RAD51B: variants seen among roughly 807,000 people sequenced by gnomAD.
The protein encoded by RAD51B is DNA repair protein RAD51 homolog 2.
A neutral mutation model predicts 42.2 loss-of-function variants in RAD51B; 38 were observed. The observed-to-expected ratio is 0.90, with a 90% CI of 0.70 to 1.18. The LOEUF (loss-of-function observed/expected upper bound fraction) is 1.18. RAD51B is among the 50% of genes most tolerant of loss of function. RAD51B has a pLI of 0.00. For synonymous variants in RAD51B, 154 were observed against 145.2 expected (o/e 1.06, Z -0.43); for missense variants, 373 against 400.7 (o/e 0.93, Z 0.59).
intron 10 of RAD51B, chr14:68,545,543 T>C (rs1469410627): frequency 2.2e-6 from 1 of 455,978 alleles, no homozygotes; most frequent in Non-Finnish European, 4.4e-6. Context: ...TTATTATGAG[T>C]ACCTGGGGCA....
chr14:68,672,847 C>A (rs1000366732), intron 11 of RAD51B, among the ~76,000 whole-genome samples: 5 of 152,206 alleles, frequency 3.3e-5, no homozygotes, highest in African/African-American at 1.2e-4. Context: ...CAGGCATTAC[C>A]TTTCTCTTGC....
chr14:68,218,382 C>T (rs552301294), intron 7 of RAD51B, among the ~76,000 whole-genome samples: 1 of 152,312 alleles, frequency 6.6e-6, no homozygotes, highest in African/African-American at 2.4e-5. Flanking sequence ...CAGATGCCTA[C>T]TTTTTGTAAA....
intron 8 of RAD51B, among the ~76,000 whole-genome samples, chr14:68,405,918 C>G (rs2084260913): frequency 6.6e-6 from 1 of 151,252 alleles, no homozygotes; most frequent in Non-Finnish European, 1.5e-5. Flanking sequence ...AACTTTAGAG[C>G]TTAGCCTCCC....
chr14:68,004,827 C>T (rs1253607899), intron 7 of RAD51B, among the ~76,000 whole-genome samples: 4 of 151,842 alleles, frequency 2.6e-5, no homozygotes, highest in Admixed American at 2.0e-4. Context: ...GGGTTTGGTT[C>T]GTTTTTGAAC....
At chr14:68,263,232 G>A (rs892358618) in intron 7 of RAD51B, among the ~76,000 whole-genome samples, 1 of 152,214 alleles carries the variant, frequency 6.6e-6, no homozygotes, top group African/African-American at 2.4e-5. Context: ...ACCAGCAAGA[G>A]TGTTTGAATA....
intron 11 of RAD51B, among the ~76,000 whole-genome samples, chr14:68,663,310 A>AAG (rs3077379): frequency 0.071 from 10,554 of 149,104 alleles, 481 homozygotes; most frequent in Middle Eastern, 0.13. Context: ...CTCAAAAACA[A>AAG]AGAGAGAGAG....
chr14:68,422,183 G>T, intron 9 of RAD51B: 1 of 1,196,800 alleles, frequency 8.4e-7, no homozygotes, highest in South Asian at 1.2e-5. Flanking sequence ...AAAGAACATG[G>T]TGGGGTTGAC....
intron 4 of RAD51B, among the ~76,000 whole-genome samples, chr14:67,846,505 T>C (rs1384342774): frequency 6.6e-6 from 1 of 152,072 alleles, no homozygotes; most frequent in East Asian, 1.9e-4. Context: ...GCCGAGTGCA[T>C]GTTCCTGCTG....
At chr14:68,653,722 G>A (rs1048456920) in intron 11 of RAD51B, among the ~76,000 whole-genome samples, 14 of 152,228 alleles carry the variant, frequency 9.2e-5, no homozygotes, top group Non-Finnish European at 7.3e-5. Context: ...TGATCATTAC[G>A]GCTCAAAGAA....
intron 10 of RAD51B, among the ~76,000 whole-genome samples, chr14:68,553,608 C>T (rs56147515): frequency 0.044 from 6,670 of 151,672 alleles, 182 homozygotes; most frequent in African/African-American, 0.071. Flanking sequence ...AATTGTTTGG[C>T]AGCATTGAGC....
intron 7 of RAD51B, among the ~76,000 whole-genome samples, chr14:68,159,990 C>T (rs1406108617): frequency 6.6e-6 from 1 of 152,016 alleles, no homozygotes; most frequent in Non-Finnish European, 1.5e-5. Context: ...CTGCCGACTT[C>T]CCCATTGTAG....
intron 4 of RAD51B, among the ~76,000 whole-genome samples, chr14:67,844,222 A>G (rs2041529208): frequency 6.6e-6 from 1 of 151,680 alleles, no homozygotes; most frequent in Non-Finnish European, 1.5e-5. Context: ...TGTGATTGGT[A>G]TGATTGCAGT....
At chr14:68,085,422 A>G (rs143870979) in intron 7 of RAD51B, among the ~76,000 whole-genome samples, 1 of 152,310 alleles carries the variant, frequency 6.6e-6, no homozygotes, top group East Asian at 1.9e-4. Context: ...TTTTCAAGGG[A>G]CTGAAGAGAG....
At chr14:68,243,190 C>T (rs893399704) in intron 7 of RAD51B, among the ~76,000 whole-genome samples, 2 of 152,160 alleles carry the variant, frequency 1.3e-5, no homozygotes, top group African/African-American at 4.8e-5. Flanking sequence ...CTTCAGATTG[C>T]TCATTGCTTT....
intron 4 of RAD51B, among the ~76,000 whole-genome samples, chr14:67,848,292 C>A (rs2041689018): frequency 6.6e-6 from 1 of 152,224 alleles, no homozygotes; most frequent in Non-Finnish European, 1.5e-5. Context: ...GCTGGGATTA[C>A]AGGCGTGAGC....
rs779712754 is a variant in RAD51B, at chr14:67,887,216, TTTTTTTCTC to T, written c.756+21_756+29del. The T allele has an allele frequency of 6.4e-7, 1 of 1,571,594 alleles. No homozygotes were observed. The highest frequency in any genetic ancestry group is 1.4e-5 in the African/African-American group (1 of 73,444). On this transcript the variant is annotated intron_variant, in intron 7 of 10. Transcript: ENST00000471583. ...AGTTTTCAATCCCAGTAAGTTTTTCTTTTTTTCTCTTTTTTCTTTTCCTTTCTTTTGTTT... is the reference window on the plus strand; with the variant it reads ...AGTTTTCAATCCCAGTAAGTTTTTCTTTTTTTCTTTTCCTTTCTTTTGTTT...
intron 10 of RAD51B, among the ~76,000 whole-genome samples, chr14:68,524,080 A>G (rs1031687527): frequency 2.0e-5 from 3 of 152,106 alleles, no homozygotes; most frequent in South Asian, 2.1e-4. Context: ...AGGGCTTTGC[A>G]TGGTTCACTC....
At chr14:67,926,942 A>G (rs1324328614) in intron 7 of RAD51B, among the ~76,000 whole-genome samples, 1 of 152,206 alleles carries the variant, frequency 6.6e-6, no homozygotes, top group Non-Finnish European at 1.5e-5. Context: ...GAGGTCAGGG[A>G]TAATAGTAAG....
downstream of RAD51B, among the ~76,000 whole-genome samples, chr14:68,478,855 G>A (rs1882935295): frequency 6.6e-6 from 1 of 152,178 alleles, no homozygotes; most frequent in African/African-American, 2.4e-5. Context: ...AGTATTTGTT[G>A]AGCGCATACC....
Sources: allele counts gnomAD v4.1 joint callset (sites outside exome capture counted in the v4.1 genomes callset), GRCh38; gene constraint gnomAD v4.1.1; transcripts MANE v1.5; gene names NCBI Gene and HGNC (gene_info 2026-07-23, HGNC 2026-07-21).